Variants in MAP3K13 observed in about 807,000 individuals in gnomAD.
MAP3K13 encodes the protein leucine zipper-bearing kinase.
Under a neutral mutation model 104.0 loss-of-function variants are expected in MAP3K13, and 52 were observed. The ratio of observed to expected loss-of-function variants is 0.50; its 90% CI spans 0.40 to 0.63. MAP3K13 has a LOEUF of 0.63. MAP3K13 is among the 20% of genes least tolerant of loss of function. MAP3K13 has a pLI of 0.00. For synonymous variants in MAP3K13, 394 were observed against 442.2 expected (o/e 0.89, Z 1.37); for missense variants, 914 against 1,218.5 (o/e 0.75, Z 3.72).
At chr3:185,375,465 G>A (rs1050149246) in intron 1 of MAP3K13, among the ~76,000 whole-genome samples, 4 of 152,150 alleles carry the variant, frequency 2.6e-5, no homozygotes, top group East Asian at 1.9e-4. Context: ...GCAGGCTAGC[G>A]GCTTGTAACC....
upstream of MAP3K13, among the ~76,000 whole-genome samples, chr3:185,361,805 C>T (rs1004308897): frequency 6.6e-5 from 10 of 152,166 alleles, no homozygotes; most frequent in African/African-American, 1.4e-4. Flanking sequence ...CTTCTTTGGT[C>T]TATCTTTTTT....
chr3:185,343,018 G>A (rs192384148), intron 2 of MAP3K13, among the ~76,000 whole-genome samples: 10 of 152,170 alleles, frequency 6.6e-5, no homozygotes, highest in African/African-American at 2.2e-4. Flanking sequence ...GCTAAAGTCT[G>A]CCCTTAGGTC....
At chr3:185,475,093 CAAAA>C (rs972600527) in intron 11 of MAP3K13, among the ~76,000 whole-genome samples, 8 of 41,844 alleles carry the variant, frequency 1.9e-4, no homozygotes, top group Admixed American at 5.2e-4. Context: ...GACCCCATCT[CAAAA>C]AAAAAAAAAA....
chr3:185,316,412 G>T (rs1394008837), intron 2 of MAP3K13, among the ~76,000 whole-genome samples: 1 of 152,164 alleles, frequency 6.6e-6, no homozygotes, highest in Non-Finnish European at 1.5e-5. Context: ...AGGCTGAGGT[G>T]TGCAAGTCAC....
At chr3:185,421,216 C>T (rs1397081466) in intron 1 of MAP3K13, among the ~76,000 whole-genome samples, 1 of 151,600 alleles carries the variant, frequency 6.6e-6, no homozygotes, top group Admixed American at 6.6e-5. Flanking sequence ...GTTTTCGAGG[C>T]GGAGTCTCCC....
chr3:185,326,052 G>A (rs983653791), intron 2 of MAP3K13, among the ~76,000 whole-genome samples: 4 of 152,062 alleles, frequency 2.6e-5, no homozygotes, highest in Non-Finnish European at 5.9e-5. Flanking sequence ...CTCCTTCTCA[G>A]TGAGTCCTGA....
chr3:185,373,983 G>A (rs969269518), intron 1 of MAP3K13, among the ~76,000 whole-genome samples: 1 of 151,960 alleles, frequency 6.6e-6, no homozygotes, highest in Non-Finnish European at 1.5e-5. Flanking sequence ...CAATGTTTTG[G>A]GGGCAGGGGG....
chr3:185,481,767 T>C (rs13060295), intron 13 of MAP3K13, among the ~76,000 whole-genome samples: 18,839 of 152,184 alleles, frequency 0.12, 1,450 homozygotes, highest in East Asian at 0.39. Flanking sequence ...TCATGAGGAC[T>C]AAATGGATTA....
chr3:185,428,502 G>T lies in MAP3K13; in HGVS notation c.-80G>T. ...CTCCCTCCTGTTTTTCTCAGGTTTT[G>T]GAGCCCTCTCTTAAGTCAGAACTCT... On this transcript the variant is annotated 5_prime_UTR_variant, in exon 2 of 14. Coordinates refer to ENST00000265026, the MANE Select transcript of MAP3K13 (RefSeq NM_004721.5). 6.7e-7 allele frequency: 1 copy of T among 1,493,094 alleles called. No individual in the cohort carries two copies. The highest frequency in any genetic ancestry group is 2.3e-5 in the East Asian group (1 of 43,650). 92.5% of individuals were successfully genotyped at this position (1,493,094 alleles called of 1,614,324 possible). A position where few individuals can be genotyped will look rare whatever the true frequency, so the allele number is the denominator to read the frequency against.
chr3:185,451,696 C>G (rs1478792054), intron 7 of MAP3K13, among the ~76,000 whole-genome samples: 1 of 151,784 alleles, frequency 6.6e-6, no homozygotes, highest in Non-Finnish European at 1.5e-5. Flanking sequence ...GAGAAACCCC[C>G]GCTTCTACTA....
Position 185,480,293 on chromosome 3 carries a change from G to T in MAP3K13, c.2563G>T (p.Val855Leu). Residue 855 changes from valine (V) to leucine (L), a missense_variant, in exon 13 of 14, where the codon GTG becomes TTG. Coordinates refer to ENST00000265026, the MANE Select transcript of MAP3K13 (RefSeq NM_004721.5). Reference protein sequence around the residue: ...YSTFSSENFSVSDGEEGNTSD... With the variant: ...YSTFSSENFSLSDGEEGNTSD... ...AACCTTTAGCTCTGAGAATTTCTCT[G>T]TGTCTGATGGAGAAGAGGGAAATAC... 1 of 1,614,208 alleles carries T rather than the reference G, an allele frequency of 6.2e-7. No homozygotes were observed. The highest frequency in any genetic ancestry group is 8.5e-7 in the Non-Finnish European group (1 of 1,180,036).
intron 1 of MAP3K13, among the ~76,000 whole-genome samples, chr3:185,406,856 A>C (rs915715501): frequency 1.4e-4 from 21 of 152,180 alleles, no homozygotes; most frequent in African/African-American, 5.1e-4. Flanking sequence ...TATTCTCACT[A>C]ATGAACCGGC....
At position 185,473,475 on chromosome 3, in the gene MAP3K13, AGGGCCAAGCT is replaced by A; in HGVS notation, c.2147_2156del (p.Gly716ValfsTer25). ...TGCTGGAGAAGTTCTGAGCCTGACAAGGGCCAAGCTGGTCCCTGGGGCTGTTGCCAGGCTG... is the reference window on the plus strand; with the variant it reads ...TGCTGGAGAAGTTCTGAGCCTGACAAGGTCCCTGGGGCTGTTGCCAGGCTG... On this transcript the variant is annotated frameshift_variant, in exon 11 of 14. Transcript: ENST00000265026. LOFTEE classifies it high-confidence loss of function. The surrounding 1 kb of genome is among the most constrained non-coding windows in gnomAD (Gnocchi z 4.9). 6.2e-7 allele frequency: 1 copy of A among 1,614,218 alleles called. No individual in the cohort carries two copies. The highest frequency in any genetic ancestry group is 8.5e-7 in the Non-Finnish European group (1 of 1,180,046).
At chr3:185,339,526 T>C (rs1722639950) in intron 2 of MAP3K13, among the ~76,000 whole-genome samples, 1 of 152,224 alleles carries the variant, frequency 6.6e-6, no homozygotes, top group Admixed American at 6.5e-5. Flanking sequence ...TTTGTTTTTC[T>C]GTGACTGTGA....
upstream of MAP3K13, among the ~76,000 whole-genome samples, chr3:185,361,495 G>A (rs1028763779): frequency 1.3e-5 from 2 of 151,772 alleles, no homozygotes; most frequent in African/African-American, 4.8e-5. Context: ...CCGCCTCCCG[G>A]GTTCACGCCA....
intron 2 of MAP3K13, among the ~76,000 whole-genome samples, chr3:185,353,512 A>G (rs996618079): frequency 1.3e-5 from 2 of 152,238 alleles, no homozygotes; most frequent in East Asian, 3.8e-4. Flanking sequence ...TCTACTTGTT[A>G]CAGTTTACAA....
At chr3:185,352,872 C>A (rs1420924161) in intron 2 of MAP3K13, among the ~76,000 whole-genome samples, 1 of 152,170 alleles carries the variant, frequency 6.6e-6, no homozygotes, top group East Asian at 1.9e-4. Flanking sequence ...TGGATTGGAA[C>A]CTATGAAGTA....
chr3:185,458,114 A>AT (rs1334965685), intron 7 of MAP3K13, among the ~76,000 whole-genome samples: 15 of 152,164 alleles, frequency 9.9e-5, no homozygotes, highest in Admixed American at 9.2e-4. Context: ...CATGCCTGTA[A>AT]TCCCAGCACT....
At chr3:185,412,472 A>G (rs1287825605) in intron 1 of MAP3K13, among the ~76,000 whole-genome samples, 1 of 152,176 alleles carries the variant, frequency 6.6e-6, no homozygotes, top group East Asian at 1.9e-4. Context: ...GAATAATTAA[A>G]CAATGGGTAT....
Sources: allele counts gnomAD v4.1 joint callset (sites outside exome capture counted in the v4.1 genomes callset), GRCh38; gene constraint gnomAD v4.1.1; non-coding constraint Gnocchi (gnomAD v3.1); transcripts MANE v1.5; gene names NCBI Gene and HGNC (gene_info 2026-07-23, HGNC 2026-07-21).